WWOX: variants seen among roughly 807,000 people sequenced by gnomAD.
WWOX encodes the protein WW domain containing oxidoreductase.
A neutral mutation model predicts 46.2 loss-of-function variants in WWOX; 69 were observed. The observed-to-expected ratio is 1.49, with a 90% CI of 1.23 to 1.82. WWOX has a LOEUF of 1.82. Among genes scored for constraint, WWOX ranks in the 40% most tolerant of loss-of-function variants. The pLI is 0.00. For missense variants in WWOX, 919 were observed against 542.6 expected, an observed-to-expected ratio of 1.69 and a Z score of -6.89; for synonymous variants, 359 against 202.6, an observed-to-expected ratio of 1.77 and a Z score of -6.56.
chr16:78,303,516 G>C (rs143443193), intron 5 of WWOX, among the ~76,000 whole-genome samples: 2 of 151,936 alleles, frequency 1.3e-5, no homozygotes, highest in Admixed American at 1.3e-4. Flanking sequence ...GTGCTCTTTC[G>C]TTTTTGTTTT....
chr16:79,006,198 G>A (rs779031495), intron 8 of WWOX, among the ~76,000 whole-genome samples: 2 of 152,160 alleles, frequency 1.3e-5, no homozygotes, highest in Non-Finnish European at 2.9e-5. Context: ...TTTGGCCTGC[G>A]GCAGGAAAGA....
intron 8 of WWOX, among the ~76,000 whole-genome samples, chr16:78,950,970 C>T (rs527815102): frequency 2.4e-4 from 37 of 152,320 alleles, no homozygotes; most frequent in Middle Eastern, 3.4e-3. Flanking sequence ...TTTCCAGCCC[C>T]GCTCAACCGC....
At chr16:78,198,989 A>G (rs1417440080) in intron 5 of WWOX, among the ~76,000 whole-genome samples, 1 of 151,946 alleles carries the variant, frequency 6.6e-6, no homozygotes, top group Non-Finnish European at 1.5e-5. Flanking sequence ...AACTTCTGCT[A>G]CTTATACTTC....
intron 8 of WWOX, among the ~76,000 whole-genome samples, chr16:78,927,785 G>A (rs2045532461): frequency 1.3e-5 from 2 of 152,176 alleles, no homozygotes; most frequent in African/African-American, 2.4e-5. Flanking sequence ...GAATTTGCCT[G>A]TGTATCCTTG....
At chr16:78,932,194 C>T (rs936170759) in intron 8 of WWOX, among the ~76,000 whole-genome samples, 7 of 152,190 alleles carry the variant, frequency 4.6e-5, no homozygotes, top group Non-Finnish European at 7.3e-5. Context: ...GTCCTTCGAA[C>T]ATGGAGGGGT....
chr16:79,037,280 T>C (rs2047886459), intron 8 of WWOX, among the ~76,000 whole-genome samples: 1 of 152,204 alleles, frequency 6.6e-6, no homozygotes, highest in South Asian at 2.1e-4. Context: ...CTTCTTTTCC[T>C]ACCCTGCCTG....
At chr16:78,170,392 T>G (rs2151742406) in intron 5 of WWOX, among the ~76,000 whole-genome samples, 1 of 152,318 alleles carries the variant, frequency 6.6e-6, no homozygotes, top group South Asian at 2.1e-4. Flanking sequence ...TAACCCATTG[T>G]GGAATAAATT....
At chr16:78,603,173 C>T (rs114034589) in intron 8 of WWOX, among the ~76,000 whole-genome samples, 2,449 of 152,324 alleles carry the variant, frequency 0.016, 52 homozygotes, top group East Asian at 0.069. Flanking sequence ...TGCACATCAT[C>T]TTCTAACAGC....
chr16:78,781,633 A>C (rs11866568), intron 8 of WWOX, among the ~76,000 whole-genome samples: 7,056 of 152,130 alleles, frequency 0.046, 574 homozygotes, highest in African/African-American at 0.16. Context: ...CAAAGACATG[A>C]ATATTGGGCC....
At position 78,244,332 on chromosome 16, in the gene WWOX, G is replaced by A. The variant is rs186329223; in HGVS notation, c.516+80043G>A. 9.2e-5 allele frequency among the ~76,000 whole-genome samples: 14 copies of A among 152,190 alleles called. No individual in the cohort carries two copies. In the East Asian group the frequency reaches 1.9e-3, roughly 21 times the overall value. On this transcript the variant is annotated intron_variant, in intron 5 of 8. Transcript: ENST00000566780. ...GGATCATAGATGCTGATAAATTGCCGTTTATGGCATATTTCATGTATTGCC... is the reference window on the plus strand; with the variant it reads ...GGATCATAGATGCTGATAAATTGCCATTTATGGCATATTTCATGTATTGCC...
intron 8 of WWOX, among the ~76,000 whole-genome samples, chr16:78,838,874 C>T (rs1032777134): frequency 2.0e-5 from 3 of 152,028 alleles, no homozygotes; most frequent in Admixed American, 1.3e-4. Flanking sequence ...AAAGGAAAGA[C>T]AACAGATAAG....
chr16:79,123,373 G>A (rs756607138), intron 8 of WWOX, among the ~76,000 whole-genome samples: 1 of 152,110 alleles, frequency 6.6e-6, no homozygotes, highest in Non-Finnish European at 1.5e-5. Context: ...TAAAAATAAT[G>A]CAGATACATT....
At chr16:78,363,525 C>A (rs896662878) in intron 5 of WWOX, among the ~76,000 whole-genome samples, 1 of 152,132 alleles carries the variant, frequency 6.6e-6, no homozygotes, top group African/African-American at 2.4e-5. Context: ...CTGATCTTCC[C>A]AGCTTGGCCT....
intron 8 of WWOX, among the ~76,000 whole-genome samples, chr16:78,437,894 G>T (rs937732043): frequency 6.6e-6 from 1 of 152,150 alleles, no homozygotes; most frequent in Non-Finnish European, 1.5e-5. Flanking sequence ...GCACCTGCAC[G>T]CATTAATGTG....
intron 5 of WWOX, among the ~76,000 whole-genome samples, chr16:78,261,846 C>G (rs1162960659): frequency 6.8e-6 from 1 of 147,786 alleles, no homozygotes; most frequent in Non-Finnish European, 1.5e-5. Flanking sequence ...TCTCGAATCA[C>G]AGTTGTAATT....
intron 8 of WWOX, among the ~76,000 whole-genome samples, chr16:78,653,301 C>T (rs1322771330): frequency 2.0e-5 from 3 of 152,142 alleles, no homozygotes; most frequent in Admixed American, 1.3e-4. Context: ...ATAATTTGGA[C>T]ACTATTTTAA....
intron 5 of WWOX, among the ~76,000 whole-genome samples, chr16:78,271,420 T>C (rs568021977): frequency 6.6e-6 from 1 of 152,352 alleles, no homozygotes; most frequent in African/African-American, 2.4e-5. Context: ...CAAGCGTGCT[T>C]ACCTGCATCA....
chr16:78,404,698 A>G (rs771729764), intron 6 of WWOX, among the ~76,000 whole-genome samples: 29 of 152,284 alleles, frequency 1.9e-4, no homozygotes, highest in Middle Eastern at 3.4e-3. Flanking sequence ...ATCCAAGGGC[A>G]CTATGTTGAA....
chr16:78,642,691 C>T (rs916021562), intron 8 of WWOX, among the ~76,000 whole-genome samples: 1 of 152,080 alleles, frequency 6.6e-6, no homozygotes, highest in Admixed American at 6.6e-5. Context: ...CAGTTCCCAC[C>T]TCGACCGCTA....
Sources: allele counts gnomAD v4.1 joint callset (sites outside exome capture counted in the v4.1 genomes callset), GRCh38; gene constraint gnomAD v4.1.1; transcripts MANE v1.5; gene names NCBI Gene and HGNC (gene_info 2026-07-23, HGNC 2026-07-21).